Variants in TM9SF4 observed in about 807,000 individuals in gnomAD.
TM9SF4 encodes the protein dinucleotide oxidase disulfide thiol exchanger 3 superfamily member 4.
Under a neutral mutation model 90.4 loss-of-function variants are expected in TM9SF4, and 26 were observed. The ratio of observed to expected loss-of-function variants is 0.29; its 90% CI spans 0.21 to 0.40. The LOEUF is 0.40. Among genes scored for constraint, TM9SF4 ranks in the 10% least tolerant of loss-of-function variants. The pLI, the probability that TM9SF4 is intolerant of heterozygous loss-of-function variation, is 1.00. For synonymous variants in TM9SF4, 293 were observed against 315.4 expected (o/e 0.93, Z 0.75); for missense variants, 549 against 834.8 (o/e 0.66, Z 4.22).
intron 1 of TM9SF4, among the ~76,000 whole-genome samples, chr20:32,123,867 T>TA (rs1555882288): frequency 0.075 from 3,607 of 47,932 alleles, 121 homozygotes; most frequent in African/African-American, 0.13. Flanking sequence ...TATATATATA[T>TA]TTTTTTTTTT....
chr20:32,148,663 C>CTTTTT (rs1234035990), intron 9 of TM9SF4, among the ~76,000 whole-genome samples: 2 of 120,152 alleles, frequency 1.7e-5, no homozygotes, highest in Non-Finnish European at 3.3e-5. Flanking sequence ...AATATTACAG[C>CTTTTT]TTTTTTTTTT....
rs563476891 is a variant in TM9SF4 at position 32,131,585 on chromosome 20, G to C, written c.16-1428G>C. 3.9e-5 allele frequency among the ~76,000 whole-genome samples: 6 copies of C among 152,218 alleles called. No individual in the cohort carries two copies. In the East Asian group the frequency reaches 1.2e-3, roughly 29 times the overall value. Reference sequence around the variant, plus strand: ...GAGGGCTGTGGAGACAGGTGATCAGGAGGCTGTGGCCAATGTCCAGGTGGG... The same window carrying C: ...GAGGGCTGTGGAGACAGGTGATCAGCAGGCTGTGGCCAATGTCCAGGTGGG... On this transcript the variant is annotated intron_variant, in intron 1 of 17. Transcript: ENST00000398022.
At chr20:32,112,896 A>G (rs2046167294) in intron 1 of TM9SF4, among the ~76,000 whole-genome samples, 1 of 152,170 alleles carries the variant, frequency 6.6e-6, no homozygotes, top group East Asian at 1.9e-4. Flanking sequence ...ATCTGGTGCA[A>G]TAGTGAAAAG....
intron 12 of TM9SF4, among the ~76,000 whole-genome samples, chr20:32,154,406 CA>C (rs1009498517): frequency 1.2e-4 from 18 of 150,116 alleles, no homozygotes; most frequent in African/African-American, 2.2e-4. Flanking sequence ...TTCTCCCCCT[CA>C]AAAAAAAAAT....
At chr20:32,139,410 C>T (rs1009626352) in intron 3 of TM9SF4, among the ~76,000 whole-genome samples, 16 of 152,322 alleles carry the variant, frequency 1.1e-4, no homozygotes, top group Admixed American at 3.3e-4. Context: ...ATCCCTCACT[C>T]ATGCCTTGTT....
chr20:32,155,274 A>G, intron 13 of TM9SF4, 88 bp downstream of exon 13: 1 of 1,117,194 alleles, frequency 9.0e-7, no homozygotes, highest in Non-Finnish European at 1.4e-6. Flanking sequence ...ACTTCCTGCC[A>G]TTCCCTTCCC....
chr20:32,158,056 T>C, intron 14 of TM9SF4, 87 bp downstream of exon 14: 4 of 1,533,764 alleles, frequency 2.6e-6, no homozygotes, highest in South Asian at 1.2e-5. Context: ...CAACCAGAGT[T>C]CCTGCCGCTT....
At chr20:32,126,766 G>A (rs558539968) in intron 1 of TM9SF4, among the ~76,000 whole-genome samples, 15 of 149,188 alleles carry the variant, frequency 1.0e-4, no homozygotes, top group East Asian at 5.9e-4. Context: ...ACGAAGTCTC[G>A]CTCTTGTCCC....
At position 32,157,679 on chromosome 20, in the gene TM9SF4, T is replaced by G. The variant is rs111892264; in HGVS notation, c.1330-115T>G. 3.7e-6 allele frequency: 5 copies of G among 1,353,500 alleles called. No homozygotes were observed. The African/African-American group carries it at 4.4e-5, about 12-fold the overall frequency. 83.8% of individuals were successfully genotyped at this position (1,353,500 alleles called of 1,614,324 possible). A position where few individuals can be genotyped will look rare whatever the true frequency, so the allele number is the denominator to read the frequency against. ...CTGTGGTGGGGGCAGGGAGTGTGCT[T>G]CTGCTGCACAAGTCGCCTCTCCTTC... On this transcript the variant is annotated intron_variant, in intron 13 of 17. Coordinates refer to ENST00000398022, the MANE Select transcript of TM9SF4 (RefSeq NM_014742.4).
At chr20:32,142,006 C>T (rs369682215) in intron 5 of TM9SF4, 111 bp downstream of exon 5, 14 of 1,539,734 alleles carry the variant, frequency 9.1e-6, no homozygotes, top group African/African-American at 5.5e-5. Flanking sequence ...CTCCAGGTGC[C>T]CTGGGCATGA....
intron 13 of TM9SF4, among the ~76,000 whole-genome samples, chr20:32,156,432 G>A (rs547964811): frequency 3.1e-4 from 47 of 152,270 alleles, no homozygotes; most frequent in African/African-American, 1.1e-3. Flanking sequence ...CAGGACCCCT[G>A]AAGATACCAA....
intron 1 of TM9SF4, among the ~76,000 whole-genome samples, chr20:32,132,737 A>T (rs1029262014): frequency 6.6e-6 from 1 of 152,346 alleles, no homozygotes; most frequent in Middle Eastern, 3.4e-3. Flanking sequence ...AAGAACATTG[A>T]TCCAGAAGTG....
intron 1 of TM9SF4, chr20:32,109,999 G>C: frequency 2.8e-6 from 4 of 1,408,796 alleles, no homozygotes; most frequent in African/African-American, 1.4e-5. Flanking sequence ...CTCGGCTGCT[G>C]CCTTCGCCGG....
chr20:32,164,219 A>G (rs2047068585), intron 17 of TM9SF4, among the ~76,000 whole-genome samples: 1 of 151,030 alleles, frequency 6.6e-6, no homozygotes, highest in Admixed American at 6.6e-5. Context: ...CAGCCACAAG[A>G]ATGCATATAA....
In TM9SF4 at chr20:32,133,086, C is replaced by T. The variant is rs758804244; in HGVS notation, c.89C>T (p.Ala30Val). 33 of 1,614,032 alleles carry T rather than the reference C, an allele frequency of 2.0e-5. No homozygotes were observed. The highest frequency in any genetic ancestry group is 1.3e-4 in the East Asian group (6 of 44,888). Residue 30 changes from alanine (A) to valine (V), a missense_variant, in exon 2 of 18, where the codon GCG (alanine) becomes GTG (valine). By Grantham distance (64) the Ala-to-Val change is moderately conservative. This residue lies in a region of TM9SF4 where 495 missense variants were observed against 711.7 expected (regional missense o/e 0.70). Transcript: ENST00000398022. ...ETSAFYVPGV[A>V]PINFHQNDPV... ...AGCGCCTTCTATGTGCCTGGGGTCGCGCCTATCAACTTCCACCAGAACGAT... is the reference window on the plus strand; with the variant it reads ...AGCGCCTTCTATGTGCCTGGGGTCGTGCCTATCAACTTCCACCAGAACGAT...
chr20:32,144,091 G>A (rs1472137857), intron 6 of TM9SF4, among the ~76,000 whole-genome samples: 5 of 152,066 alleles, frequency 3.3e-5, no homozygotes, highest in African/African-American at 9.7e-5. Flanking sequence ...GATTATAGGC[G>A]CCCACTACCG....
chr20:32,116,188 G>C (rs1260873686), intron 1 of TM9SF4: 1 of 151,800 alleles, frequency 6.6e-6, no homozygotes, highest in Non-Finnish European at 1.5e-5. Context: ...GCAGCTGTTA[G>C]CACTATCCGT....
intron 3 of TM9SF4, among the ~76,000 whole-genome samples, chr20:32,138,106 A>T (rs2046619670): frequency 6.6e-6 from 1 of 152,202 alleles, no homozygotes; most frequent in East Asian, 1.9e-4. Flanking sequence ...TGAGATTTTT[A>T]ACTCAGGTTC....
chr20:32,122,462 G>A (rs1399684755), intron 1 of TM9SF4, among the ~76,000 whole-genome samples: 4 of 150,490 alleles, frequency 2.7e-5, no homozygotes, highest in South Asian at 4.2e-4. Flanking sequence ...GGCGGCTGCC[G>A]GGCGGAGGGT....
Sources: gnomAD v4.1 joint callset for allele counts (sites outside exome capture counted in the v4.1 genomes callset) on GRCh38, gnomAD v4.1.1 for gene constraint, gnomAD v4.1.1 regional missense constraint, MANE v1.5 for transcripts, NCBI Gene and HGNC (gene_info 2026-07-23, HGNC 2026-07-21) for gene names.